Variants in NR3C2 observed in about 807,000 individuals in gnomAD.
NR3C2 encodes the protein nuclear receptor subfamily 3 group C member 2.
In NR3C2, 15 loss-of-function variants were observed where a neutral mutation model predicts 86.4. The observed-to-expected ratio is 0.17, with a 90% CI of 0.12 to 0.27. NR3C2 has a LOEUF of 0.27. Ranked by LOEUF, NR3C2 falls within the 10% of genes least tolerant of loss-of-function variation. NR3C2 has a pLI of 1.00. For synonymous variants in NR3C2, 458 were observed against 450.5 expected, an observed-to-expected ratio of 1.02 and a Z score of -0.21; for missense variants, 960 against 1,195.6, an observed-to-expected ratio of 0.80 and a Z score of 2.91.
At chr4:148,175,682 C>A (rs2149787444) in intron 4 of NR3C2, among the ~76,000 whole-genome samples, 1 of 152,104 alleles carries the variant, frequency 6.6e-6, no homozygotes, top group African/African-American at 2.4e-5. Flanking sequence ...TCTTATTTTT[C>A]TATTTTTCTA....
At chr4:148,379,890 C>T (rs1445219044) in intron 2 of NR3C2, among the ~76,000 whole-genome samples, 2 of 151,988 alleles carry the variant, frequency 1.3e-5, no homozygotes, top group African/African-American at 2.4e-5. Flanking sequence ...TCAACTAATC[C>T]TCTATCCCCA....
At position 148,210,977 on chromosome 4, in the gene NR3C2, C is replaced by T. The variant is rs142264121; in HGVS notation, c.1898-16115G>A. 5.3e-5 allele frequency among the ~76,000 whole-genome samples: 8 copies of T among 152,158 alleles called. No homozygotes were observed. The East Asian group carries it at 5.8e-4, about 11-fold the overall frequency. Reference sequence around the variant, plus strand: ...TGGTCCTGAAAAGAGGAATGGTTGACGAAAAGATATAAAGTGATCATTAGA... The same window carrying T: ...TGGTCCTGAAAAGAGGAATGGTTGATGAAAAGATATAAAGTGATCATTAGA... On this transcript the variant is annotated intron_variant, in intron 3 of 8. Coordinates refer to ENST00000358102, the MANE Select transcript of NR3C2 (RefSeq NM_000901.5).
At chr4:148,420,550 G>A (rs948231341) in intron 2 of NR3C2, among the ~76,000 whole-genome samples, 6 of 152,160 alleles carry the variant, frequency 3.9e-5, no homozygotes, top group Non-Finnish European at 7.4e-5. Context: ...CTTTGTAACC[G>A]GATCTTGAAT....
chr4:148,314,341 T>C (rs76515104), intron 2 of NR3C2, among the ~76,000 whole-genome samples: 3,258 of 151,648 alleles, frequency 0.021, 108 homozygotes, highest in African/African-American at 0.074. Flanking sequence ...AACATTATTA[T>C]TTTTTTAGAT....
chr4:148,158,625 A>G (rs1043037234), intron 4 of NR3C2, among the ~76,000 whole-genome samples: 2 of 152,218 alleles, frequency 1.3e-5, no homozygotes, highest in African/African-American at 4.8e-5. Flanking sequence ...TGACTAGAAC[A>G]GCCAATGGTG....
At position 148,265,382 on chromosome 4, in the gene NR3C2, C is replaced by G. The variant is rs543216854; in HGVS notation, c.1758-5265G>C. 4.6e-5 allele frequency among the ~76,000 whole-genome samples: 7 copies of G among 152,042 alleles called. No homozygotes were observed. The South Asian group carries it at 1.5e-3, about 32-fold the overall frequency. ...GTGCTTGGGGAGAAGTAACAAGAAG[C>G]TACGTAAGAAAAAAAATGATTTTTT... is the stretch of plus-strand genomic sequence containing the variant. On this transcript the variant is annotated intron_variant, in intron 2 of 8. Coordinates refer to ENST00000358102, the MANE Select transcript of NR3C2 (RefSeq NM_000901.5).
intron 4 of NR3C2, among the ~76,000 whole-genome samples, chr4:148,187,727 G>A (rs770156200): frequency 2.0e-5 from 3 of 152,050 alleles, no homozygotes; most frequent in Non-Finnish European, 4.4e-5. Context: ...GTTTAATAAG[G>A]TCCCAACAAT....
At chr4:148,123,834 T>G (rs1221681048) in intron 6 of NR3C2, among the ~76,000 whole-genome samples, 1 of 152,246 alleles carries the variant, frequency 6.6e-6, no homozygotes, top group Non-Finnish European at 1.5e-5. Flanking sequence ...TCTGCTTAGA[T>G]TTCCCCAGTG....
At chr4:148,245,362 C>T (rs12640639) in intron 3 of NR3C2, among the ~76,000 whole-genome samples, 26,440 of 152,074 alleles carry the variant, frequency 0.17, 3,023 homozygotes, top group East Asian at 0.47. Flanking sequence ...AGGAGTGTCA[C>T]ATGATGAAAT....
intron 4 of NR3C2, among the ~76,000 whole-genome samples, chr4:148,158,126 T>A (rs1048679314): frequency 6.6e-6 from 1 of 152,220 alleles, no homozygotes; most frequent in African/African-American, 2.4e-5. Flanking sequence ...TTCACGTATG[T>A]TAATGGAAGA....
At chr4:148,264,258 A>G (rs61760302) in intron 2 of NR3C2, among the ~76,000 whole-genome samples, 5 of 152,218 alleles carry the variant, frequency 3.3e-5, no homozygotes, top group African/African-American at 1.2e-4. Context: ...TCTAGTCTCT[A>G]TTGACACACT....
At chr4:148,192,600 TG>T (rs1369243376) in intron 4 of NR3C2, among the ~76,000 whole-genome samples, 1 of 146,260 alleles carries the variant, frequency 6.8e-6, no homozygotes, top group African/African-American at 2.6e-5. Context: ...GACCATCAGG[TG>T]GGGGTATGGC....
intron 2 of NR3C2, among the ~76,000 whole-genome samples, chr4:148,385,982 G>A (rs1747244879): frequency 6.6e-6 from 1 of 152,194 alleles, no homozygotes; most frequent in South Asian, 2.1e-4. Flanking sequence ...TCAGATACGT[G>A]GGTGTGCCAG....
chr4:148,438,374 A>G (rs1181585890), intron 1 of NR3C2, among the ~76,000 whole-genome samples: 1 of 152,232 alleles, frequency 6.6e-6, no homozygotes, highest in African/African-American at 2.4e-5. Context: ...CTTAAAGGAA[A>G]TTAACTCACT....
At chr4:148,098,524 G>T (rs1039898038) in intron 8 of NR3C2, among the ~76,000 whole-genome samples, 1 of 152,154 alleles carries the variant, frequency 6.6e-6, no homozygotes, top group Non-Finnish European at 1.5e-5. Context: ...AGTATTTACG[G>T]CATTAGAGCT....
intron 2 of NR3C2, among the ~76,000 whole-genome samples, chr4:148,347,884 C>T (rs918401453): frequency 1.3e-5 from 2 of 152,230 alleles, no homozygotes; most frequent in African/African-American, 4.8e-5. Context: ...AAGCACTTCA[C>T]ACCAATTACT....
At chr4:148,349,212 C>T (rs1431769167) in intron 2 of NR3C2, among the ~76,000 whole-genome samples, 1 of 152,152 alleles carries the variant, frequency 6.6e-6, no homozygotes, top group East Asian at 1.9e-4. Context: ...CATACTCTGT[C>T]ACCTCTTGTT....
chr4:148,180,875 C>T (rs72653852), intron 4 of NR3C2, among the ~76,000 whole-genome samples: 1 of 152,114 alleles, frequency 6.6e-6, no homozygotes, highest in African/African-American at 2.4e-5. Flanking sequence ...CAGTAATGTA[C>T]AAGAGCATCT....
intron 2 of NR3C2, among the ~76,000 whole-genome samples, chr4:148,371,176 TG>T (rs1189375765): frequency 6.6e-6 from 1 of 152,266 alleles, no homozygotes; most frequent in Non-Finnish European, 1.5e-5. Flanking sequence ...ATTTATTCTT[TG>T]TGTTACAAAT....
Sources: gnomAD v4.1 joint callset for allele counts (sites outside exome capture counted in the v4.1 genomes callset) on GRCh38, gnomAD v4.1.1 for gene constraint, MANE v1.5 for transcripts, NCBI Gene and HGNC (gene_info 2026-07-23, HGNC 2026-07-21) for gene names.